AFG2A: variants seen among roughly 807,000 people sequenced by gnomAD.
AFG2A encodes the protein AAA ATPase AFG2A.
At chr4:122,946,342 G>A in the AFG2A span, among the ~76,000 whole-genome samples, 1 of 152,176 alleles carries the variant, frequency 6.6e-6, no homozygotes, top group African/African-American at 2.4e-5. Flanking sequence ...AGCCTGTTGT[G>A]GATTAGTATT....
At chr4:122,979,728 C>T in the AFG2A span, among the ~76,000 whole-genome samples, 1 of 152,014 alleles carries the variant, frequency 6.6e-6, no homozygotes, top group Admixed American at 6.5e-5. Flanking sequence ...CATGGTAAAA[C>T]CCCATCTCTA....
At chr4:122,947,740 C>T in the AFG2A span, among the ~76,000 whole-genome samples, 2 of 152,070 alleles carry the variant, frequency 1.3e-5, no homozygotes, top group African/African-American at 4.8e-5. Flanking sequence ...AGTCAGCCCT[C>T]CATATCCTTG....
chr4:123,017,199 G>A, the AFG2A span, among the ~76,000 whole-genome samples: 1 of 119,772 alleles, frequency 8.3e-6, no homozygotes, highest in African/African-American at 3.5e-5. Context: ...AAGGGAGAGG[G>A]AGAGGGAGAG....
At chr4:123,118,686 A>C in the AFG2A span, among the ~76,000 whole-genome samples, 1 of 151,916 alleles carries the variant, frequency 6.6e-6, no homozygotes, top group Admixed American at 6.6e-5. Flanking sequence ...TTATGGGTAA[A>C]TACATTTGTA....
chr4:123,009,109 A>G, the AFG2A span, among the ~76,000 whole-genome samples: 1 of 152,174 alleles, frequency 6.6e-6, no homozygotes, highest in Non-Finnish European at 1.5e-5. Flanking sequence ...GCAAAGGGAA[A>G]AGGTGCATGG....
At chr4:122,987,539 T>C in the AFG2A span, among the ~76,000 whole-genome samples, 4 of 152,138 alleles carry the variant, frequency 2.6e-5, no homozygotes, top group South Asian at 2.1e-4. Flanking sequence ...TTTTTTTTTT[T>C]AGTGATATTC....
chr4:123,243,787 A>C, the AFG2A span, among the ~76,000 whole-genome samples: 18 of 126,480 alleles, frequency 1.4e-4, no homozygotes, highest in Admixed American at 1.4e-3. Context: ...CTGTAATCTG[A>C]GCAGGAGGAT....
chr4:122,964,701 A>G, the AFG2A span, among the ~76,000 whole-genome samples: 1 of 152,156 alleles, frequency 6.6e-6, no homozygotes, highest in Non-Finnish European at 1.5e-5. Context: ...CCACAGTGCC[A>G]TTACCTTTAA....
the AFG2A span, among the ~76,000 whole-genome samples, chr4:123,033,008 C>A: frequency 6.6e-6 from 1 of 152,132 alleles, no homozygotes; most frequent in Non-Finnish European, 1.5e-5. Flanking sequence ...CAGGACATAA[C>A]CCCCTTGTAA....
the AFG2A span, among the ~76,000 whole-genome samples, chr4:123,305,520 C>A: frequency 6.6e-6 from 1 of 152,216 alleles, no homozygotes; most frequent in Non-Finnish European, 1.5e-5. Flanking sequence ...GGTTTCTAAT[C>A]TGTCAACGCA....
At chr4:123,275,094 T>A in the AFG2A span, among the ~76,000 whole-genome samples, 1 of 152,288 alleles carries the variant, frequency 6.6e-6, no homozygotes. Context: ...TGATTGTCTT[T>A]TTTACCTCCT....
the AFG2A span, among the ~76,000 whole-genome samples, chr4:122,950,750 C>T: frequency 1.3e-5 from 2 of 152,180 alleles, no homozygotes; most frequent in African/African-American, 4.8e-5. Context: ...GGTTTCTGCA[C>T]AAGTTAAGGC....
the AFG2A span, among the ~76,000 whole-genome samples, chr4:123,308,599 G>A: frequency 2.3e-4 from 35 of 152,244 alleles, 1 homozygote; most frequent in South Asian, 8.3e-4. Flanking sequence ...GAGATGGAAC[G>A]GATTCATCCT....
chr4:123,196,288 T>A, the AFG2A span, among the ~76,000 whole-genome samples: 20 of 150,880 alleles, frequency 1.3e-4, no homozygotes, highest in Non-Finnish European at 1.9e-4. Context: ...GGATTACAGG[T>A]GTGAGCCACC....
At chr4:123,039,285 G>A in the AFG2A span, among the ~76,000 whole-genome samples, 1 of 152,030 alleles carries the variant, frequency 6.6e-6, no homozygotes, top group African/African-American at 2.4e-5. Flanking sequence ...ATTGCTGTAA[G>A]AACAACAGCA....
the AFG2A span, among the ~76,000 whole-genome samples, chr4:122,986,692 A>G: frequency 6.6e-6 from 1 of 152,178 alleles, no homozygotes; most frequent in Non-Finnish European, 1.5e-5. Context: ...AATCACCACT[A>G]AGGAACTTAC....
the AFG2A span, among the ~76,000 whole-genome samples, chr4:123,053,315 G>A: frequency 6.6e-6 from 1 of 152,234 alleles, no homozygotes; most frequent in African/African-American, 2.4e-5. Context: ...GTAGACCCAA[G>A]GCAGATACTC....
chr4:123,117,914 A>G, the AFG2A span, among the ~76,000 whole-genome samples: 4 of 151,948 alleles, frequency 2.6e-5, no homozygotes, highest in South Asian at 8.3e-4. Flanking sequence ...ATAGAGAAAA[A>G]TTCAGACAAG....
chr4:123,315,288 C>A, the AFG2A span: 1 of 150,644 alleles, frequency 6.6e-6, no homozygotes, highest in Admixed American at 6.6e-5. Context: ...GGTTTACTTA[C>A]GCCATTCTCC....
Sources: allele counts gnomAD v4.1 joint callset (sites outside exome capture counted in the v4.1 genomes callset), GRCh38; gene constraint gnomAD v4.1.1; transcripts MANE v1.5; gene names NCBI Gene and HGNC (gene_info 2026-07-23, HGNC 2026-07-21).